Variants in CCDC3 observed in about 807,000 individuals in gnomAD.
CCDC3 encodes the protein coiled-coil domain containing 3, also known as coiled-coil domain-containing protein 3.
In CCDC3, 24 loss-of-function variants were observed where a neutral mutation model predicts 21.4. That is an observed-to-expected ratio of 1.12 (90% CI 0.81 to 1.58). CCDC3 has a LOEUF of 1.58. CCDC3 is among the 40% of genes most tolerant of loss of function. The pLI is 0.00. For synonymous variants in CCDC3, 186 were observed against 166.0 expected (o/e 1.12, Z -0.93); for missense variants, 425 against 360.9 (o/e 1.18, Z -1.44).
intron 4 of CCDC3, chr10:13,058,349 A>C (rs2131430334): frequency 8.5e-7 from 1 of 1,174,228 alleles, no homozygotes; most frequent in Non-Finnish European, 1.3e-6. Flanking sequence ...AAACCTACTG[A>C]GAATCCTGTG....
intron 3 of CCDC3, among the ~76,000 whole-genome samples, chr10:13,091,632 C>T (rs1320949254): frequency 1.3e-5 from 2 of 152,200 alleles, no homozygotes; most frequent in Non-Finnish European, 2.9e-5. Context: ...GAAATGTTCG[C>T]CTTCAACAAC....
chr10:12,987,745 G>A (rs558011949), intron 2 of CCDC3, among the ~76,000 whole-genome samples: 3 of 152,312 alleles, frequency 2.0e-5, no homozygotes, highest in East Asian at 1.9e-4. Context: ...GGGGGTGGTC[G>A]AGGTGCTGGA....
intron 3 of CCDC3, among the ~76,000 whole-genome samples, chr10:13,081,449 G>A (rs1040233062): frequency 9.2e-5 from 14 of 152,254 alleles, no homozygotes; most frequent in East Asian, 3.9e-4. Context: ...TGAGACTGCC[G>A]TTCACACAGC....
chr10:13,029,005 GA>G (rs1836263009), intron 5 of CCDC3, among the ~76,000 whole-genome samples: 1 of 152,322 alleles, frequency 6.6e-6, no homozygotes, highest in African/African-American at 2.4e-5. Context: ...GACAGTGTGT[GA>G]AAATTCCCTC....
intron 4 of CCDC3, among the ~76,000 whole-genome samples, chr10:13,052,696 T>C (rs1836622939): frequency 6.6e-6 from 1 of 151,812 alleles, no homozygotes; most frequent in Non-Finnish European, 1.5e-5. Flanking sequence ...TCCCAGCACT[T>C]TGGGAGGCTG....
At chr10:12,918,968 T>A (rs1271891193) in intron 2 of CCDC3, among the ~76,000 whole-genome samples, 1 of 152,024 alleles carries the variant, frequency 6.6e-6, no homozygotes, top group East Asian at 1.9e-4. Context: ...GGCAGGAGAA[T>A]GGGCGTGAAC....
chr10:13,086,036 T>C (rs1029240402), intron 3 of CCDC3, among the ~76,000 whole-genome samples: 1 of 151,278 alleles, frequency 6.6e-6, no homozygotes, highest in Non-Finnish European at 1.5e-5. Flanking sequence ...GATGAAAAGA[T>C]AATTAATTAG....
At chr10:12,924,129 C>T (rs964750106) in intron 2 of CCDC3, among the ~76,000 whole-genome samples, 1 of 152,180 alleles carries the variant, frequency 6.6e-6, no homozygotes, top group African/African-American at 2.4e-5. Context: ...ATGCAACCTT[C>T]TAAAGGAAGC....
At chr10:12,973,732 AC>A (rs1250673078) in intron 2 of CCDC3, among the ~76,000 whole-genome samples, 4 of 151,568 alleles carry the variant, frequency 2.6e-5, no homozygotes, top group Non-Finnish European at 5.9e-5. Context: ...TTCCAGGTAA[AC>A]CTGACCCAGG....
chr10:12,993,066 C>T (rs569357490), intron 2 of CCDC3, among the ~76,000 whole-genome samples: 6 of 152,356 alleles, frequency 3.9e-5, no homozygotes, highest in Admixed American at 3.9e-4. Context: ...ACCCCTGTTA[C>T]TACTGATGTT....
intron 5 of CCDC3, among the ~76,000 whole-genome samples, chr10:13,031,485 T>C (rs113878400): frequency 0.032 from 4,849 of 151,788 alleles, 221 homozygotes; most frequent in African/African-American, 0.1. Flanking sequence ...AGGCAAGAAA[T>C]AACTAAGATC....
chr10:13,036,316 C>A (rs1836377033), intron 5 of CCDC3, among the ~76,000 whole-genome samples: 1 of 152,060 alleles, frequency 6.6e-6, no homozygotes, highest in Non-Finnish European at 1.5e-5. Flanking sequence ...TTTTTCAAAG[C>A]CTTTAAAAAA....
At chr10:13,006,202 G>C (rs990098705), upstream of CCDC3, among the ~76,000 whole-genome samples, 7 of 152,212 alleles carry the variant, frequency 4.6e-5, no homozygotes, top group African/African-American at 1.7e-4. Flanking sequence ...AATTGACATA[G>C]CCTGAGGCAA....
intron 2 of CCDC3, among the ~76,000 whole-genome samples, chr10:12,940,924 G>C (rs1834819192): frequency 6.6e-6 from 1 of 151,336 alleles, no homozygotes; most frequent in Non-Finnish European, 1.5e-5. Context: ...TCCCTGAGTA[G>C]GAATTGCTGA....
At chr10:12,969,061 T>C (rs1389775133) in intron 2 of CCDC3, among the ~76,000 whole-genome samples, 1 of 152,134 alleles carries the variant, frequency 6.6e-6, no homozygotes, top group Non-Finnish European at 1.5e-5. Flanking sequence ...ACTACACACC[T>C]GATAAGAAGT....
intron 4 of CCDC3, among the ~76,000 whole-genome samples, chr10:13,060,150 GAAACAAAACA>G (rs72059794): frequency 6.6e-6 from 1 of 151,716 alleles, no homozygotes; most frequent in African/African-American, 2.4e-5. Flanking sequence ...TGTTTCATCA[GAAACAAAACA>G]AAACAAAACA....
chr10:13,087,684 T>C (rs1457100130), intron 3 of CCDC3, among the ~76,000 whole-genome samples: 1 of 149,172 alleles, frequency 6.7e-6, no homozygotes, highest in Non-Finnish European at 1.5e-5. Flanking sequence ...TTGGGGCTTA[T>C]CCTTAGATAC....
At chr10:13,032,689 C>T (rs1008918982) in intron 5 of CCDC3, among the ~76,000 whole-genome samples, 5 of 152,200 alleles carry the variant, frequency 3.3e-5, no homozygotes, top group Non-Finnish European at 5.9e-5. Flanking sequence ...CATTCCTATA[C>T]ACCAATAACA....
intron 2 of CCDC3, among the ~76,000 whole-genome samples, chr10:12,978,985 G>A (rs1006610870): frequency 6.6e-6 from 1 of 152,110 alleles, no homozygotes; most frequent in Non-Finnish European, 1.5e-5. Context: ...AATGAGAGCT[G>A]TCATTTCACA....
Sources: gnomAD v4.1 joint callset for allele counts (sites outside exome capture counted in the v4.1 genomes callset) on GRCh38, gnomAD v4.1.1 for gene constraint, MANE v1.5 for transcripts, NCBI Gene and HGNC (gene_info 2026-07-23, HGNC 2026-07-21) for gene names.